Variants in SYNE2 observed in about 807,000 individuals in gnomAD.
SYNE2 encodes nesprin-2.
SYNE2 carries 431 observed loss-of-function variants against 856.3 expected under a neutral mutation model. The ratio of observed to expected loss-of-function variants is 0.50; its 90% CI spans 0.47 to 0.55. The LOEUF (loss-of-function observed/expected upper bound fraction) is 0.55. SYNE2 is among the 20% of genes least tolerant of loss of function. SYNE2 has a pLI of 0.00. For synonymous variants in SYNE2, 2,923 were observed against 2,872.3 expected (o/e 1.02, Z -0.56); for missense variants, 8,129 against 8,023.2 (o/e 1.01, Z -0.50).
rs182210820 is a variant in SYNE2, at chr14:64,076,238, T to C, written c.11022+138T>C. On this transcript the variant is annotated intron_variant, in intron 54 of 115. Coordinates refer to ENST00000555002, the MANE Select transcript of SYNE2 (RefSeq NM_182914.3). ...TTAAGAGTTAAGTGACCATCGTGTC[T>C]ATTGAATGCTAAGATAAAGATGCTC... The C allele has an allele frequency of 4.8e-4, 407 of 852,912 alleles. 1 individual carries two copies. Among genetic ancestry groups the C allele is most frequent in the Non-Finnish European group, 4.7e-4 (254 of 539,580 alleles). The allele number at this position is 852,912 out of a possible 1,614,324, so 52.8% of individuals were successfully genotyped here.
intron 1 of SYNE2, among the ~76,000 whole-genome samples, chr14:63,775,192 A>G (rs1887065052): frequency 1.3e-5 from 2 of 151,242 alleles, no homozygotes; most frequent in South Asian, 4.2e-4. Flanking sequence ...GTCTGGCTGG[A>G]CTCAAACTCC....
Position 64,130,099 on chromosome 14 carries a change from A to T in SYNE2, c.14191A>T (p.Ser4731Cys), listed in dbSNP as rs2097999436. Residue 4731 changes from serine to cysteine, a missense_variant, in exon 76 of 116, where the codon AGC (serine) becomes TGC (cysteine). Transcript: ENST00000555002. The part of the protein sequence containing the change: ...GMLRARYTEL[S>C]SPFVTESQQD... ...GCTAAGAGCCAGGTACACAGAACTC[A>T]GCAGCCCTTTCGTCACTGAGAGCCA... 6.2e-7 allele frequency: 1 copy of T among 1,614,072 alleles called. No individual in the cohort carries two copies. The highest frequency in any genetic ancestry group is 1.3e-5 in the African/African-American group (1 of 74,940).
At chr14:63,879,034 C>A (rs1443403407) in intron 1 of SYNE2, among the ~76,000 whole-genome samples, 1 of 149,486 alleles carries the variant, frequency 6.7e-6, no homozygotes, top group Non-Finnish European at 1.5e-5. Context: ...CATAGCAAGA[C>A]CCTGTCTTTA....
chr14:64,202,337 C>T, intron 99 of SYNE2: 1 of 701,682 alleles, frequency 1.4e-6, no homozygotes. Flanking sequence ...GACCAAATAC[C>T]ACCAAGTGAA....
At position 64,134,195 on chromosome 14, in the gene SYNE2, T is replaced by C. The variant is rs2153684027; in HGVS notation, c.14641T>C (p.Tyr4881His). The C allele has an allele frequency of 1.2e-6, 2 of 1,614,138 alleles. No homozygotes were observed. The highest frequency in any genetic ancestry group is 1.3e-5 in the African/African-American group (1 of 75,072). The change falls in exon 78 of 116, where the codon TAC (tyrosine) becomes CAC (histidine). Residue 4881 changes from tyrosine to histidine, a missense_variant. Transcript: ENST00000555002. Reference sequence around the variant, plus strand: ...AAGATTAGTGGAAAGGATTTCATTTTACCAGGTATTTGTCTTCCATTTAAG... The same window carrying C: ...AAGATTAGTGGAAAGGATTTCATTTCACCAGGTATTTGTCTTCCATTTAAG... ...EERLVERISF[Y>H]QQIKRNIGGK... is the part of the protein sequence containing the mutation.
chr14:63,784,751 C>G, intron 1 of SYNE2, among the ~76,000 whole-genome samples: 1 of 152,008 alleles, frequency 6.6e-6, no homozygotes, highest in East Asian at 1.9e-4. Context: ...GCAGGAGTAT[C>G]ACTTATACCC....
At chr14:63,769,806 G>A (rs1055762292) in intron 1 of SYNE2, among the ~76,000 whole-genome samples, 1 of 151,868 alleles carries the variant, frequency 6.6e-6, no homozygotes, top group Non-Finnish European at 1.5e-5. Flanking sequence ...GGCTGAGGCG[G>A]GAGGATCACT....
At position 63,829,192 on chromosome 14, in the gene SYNE2, C is replaced by T. The variant is rs865804610; in HGVS notation, c.-304-23309C>T. Among the ~76,000 whole-genome samples, 5 of 151,998 alleles carry T rather than the reference C, an allele frequency of 3.3e-5. No homozygotes were observed. In the South Asian group the frequency reaches 1.0e-3, roughly 32 times the overall value. ...GTTTAGGAGGTCGAGGTGGGAGGAT[C>T]GTTTGAGGCCAGGAGTTCAAGACTA... On this transcript the variant is annotated intron_variant, in intron 1 of 23. Coordinates refer to the SYNE2 transcript ENST00000674003.
chr14:63,996,668 G>A (rs1220005939), intron 23 of SYNE2, among the ~76,000 whole-genome samples: 1 of 151,968 alleles, frequency 6.6e-6, no homozygotes, highest in East Asian at 1.9e-4. Flanking sequence ...CTTCCCTCTT[G>A]TGAGGCAAGC....
At chr14:64,041,711 G>A (rs372047096) in intron 45 of SYNE2, among the ~76,000 whole-genome samples, 5 of 152,004 alleles carry the variant, frequency 3.3e-5, no homozygotes, top group African/African-American at 1.2e-4. Context: ...TTAGTTGGGT[G>A]TGGTGGTGTG....
Position 64,007,053 on chromosome 14 carries a change from T to C in SYNE2, c.4408T>C (p.Leu1470=). Reference sequence around the variant, plus strand: ...TCATTCATAATCAAGGAAAAAATCATTAATCAGACTGGATAAGGTTCTAGA... The same window carrying C: ...TCATTCATAATCAAGGAAAAAATCACTAATCAGACTGGATAAGGTTCTAGA... ...VPAVKHRKKS[L]IRLDKVLDEY... Residue 1470 remains leucine (L), a synonymous_variant, in exon 31 of 116, where the codon TTA becomes CTA. Transcript: ENST00000555002. 4.3e-6 allele frequency: 7 copies of C among 1,613,032 alleles called. No individual in the cohort carries two copies. Among genetic ancestry groups the C allele is most frequent in the Non-Finnish European group, 5.9e-6 (7 of 1,179,346 alleles).
At chr14:64,107,918 G>C (rs1385220240) in intron 65 of SYNE2, among the ~76,000 whole-genome samples, 3 of 152,190 alleles carry the variant, frequency 2.0e-5, no homozygotes, top group Non-Finnish European at 4.4e-5. Flanking sequence ...AAAGAAAGTA[G>C]AGAAGGGTTA....
chr14:63,902,868 G>T (rs886947650), intron 1 of SYNE2, among the ~76,000 whole-genome samples: 1 of 151,678 alleles, frequency 6.6e-6, no homozygotes, highest in African/African-American at 2.4e-5. Context: ...TAATTTTTTT[G>T]ATTTTTTTGT....
At chr14:64,008,569 G>A (rs1171862837) in intron 31 of SYNE2, among the ~76,000 whole-genome samples, 2 of 152,174 alleles carry the variant, frequency 1.3e-5, no homozygotes, top group East Asian at 3.9e-4. Context: ...TTGCCAGACT[G>A]CTTTGGAGGG....
At chr14:63,865,804 G>A (rs1895146220) in intron 1 of SYNE2, among the ~76,000 whole-genome samples, 1 of 147,584 alleles carries the variant, frequency 6.8e-6, no homozygotes, top group African/African-American at 2.5e-5. Context: ...GCAAGACCTT[G>A]TTTTTACAAA....
rs1470090518 is a variant in SYNE2 at position 63,814,691 on chromosome 14, TATATATATCC to T, written c.-304-37781_-304-37772del. On this transcript the variant is annotated intron_variant, in intron 1 of 23. Coordinates refer to the SYNE2 transcript ENST00000674003. ...ATCCATATATATCCATATATATCCA[TATATATATCC>T]ATATATATCCATATATATCCATATA... Among the ~76,000 whole-genome samples the T allele has an allele frequency of 2.8e-4, 31 of 110,496 alleles. 1 individual carries two copies. The highest frequency in any genetic ancestry group is 7.0e-4 in the African/African-American group (20 of 28,592). 72.5% of individuals were successfully genotyped at this position (110,496 alleles called of 152,430 possible). A position where few individuals can be genotyped will look rare whatever the true frequency, so the allele number is the denominator to read the frequency against.
intron 47 of SYNE2, 45 bp from the exon 48 acceptor site, chr14:64,051,512 A>T (rs1427260663): frequency 2.0e-6 from 3 of 1,516,048 alleles, no homozygotes; most frequent in Non-Finnish European, 2.7e-6. Context: ...TTAATGTAGA[A>T]TAAGCATTAA....
intron 1 of SYNE2, among the ~76,000 whole-genome samples, chr14:63,885,865 G>T (rs2094971699): frequency 6.6e-6 from 1 of 152,200 alleles, no homozygotes; most frequent in African/African-American, 2.4e-5. Flanking sequence ...AGGTACCAGG[G>T]TCATCGAGAT....
chr14:63,946,380 A>G (rs2096027446), intron 6 of SYNE2, among the ~76,000 whole-genome samples: 1 of 151,880 alleles, frequency 6.6e-6, no homozygotes, highest in African/African-American at 2.4e-5. Flanking sequence ...GTGAGCCGTG[A>G]CTGGGCTACT....
Sources: gnomAD v4.1 joint callset for allele counts (sites outside exome capture counted in the v4.1 genomes callset) on GRCh38, gnomAD v4.1.1 for gene constraint, MANE v1.5 for transcripts, NCBI Gene and HGNC (gene_info 2026-07-23, HGNC 2026-07-21) for gene names.